ATP10A: variants seen among roughly 807,000 people sequenced by gnomAD.
ATP10A encodes ATPase phospholipid transporting 10A (putative), also known as phospholipid-transporting ATPase VA.
In ATP10A, 111 loss-of-function variants were observed where a neutral mutation model predicts 147.8. The ratio of observed to expected loss-of-function variants is 0.75; its 90% confidence interval spans 0.64 to 0.88. The LOEUF (loss-of-function observed/expected upper bound fraction) is 0.88, where lower values mean the gene tolerates loss of function less well. Ranked by LOEUF, ATP10A falls within the 40% of genes least tolerant of loss-of-function variation. The pLI is 0.00. For synonymous variants in ATP10A, 875 were observed against 841.6 expected (o/e 1.04, Z -0.69); for missense variants, 1,927 against 1,959.0 (o/e 0.98, Z 0.31).
chr15:25,691,670 C>A, intron 15 of ATP10A, 45 bp downstream of exon 15: 1 of 1,598,324 alleles, frequency 6.3e-7, no homozygotes. Flanking sequence ...GACAAGAGGT[C>A]AGTAGGGCCA....
At position 25,680,932 on chromosome 15, in the gene ATP10A, C is replaced by T. The variant is rs147170590; in HGVS notation, c.3574-18G>A. 71 of 1,613,756 alleles carry T rather than the reference C, an allele frequency of 4.4e-5. No homozygotes were observed. In the East Asian group the frequency reaches 1.6e-3, roughly 36 times the overall value. On this transcript the variant is annotated intron_variant, in intron 18 of 20. Transcript: ENST00000555815. ...TAGTAGGCCTGAAAGACAGTGGGGT[C>T]CTGGATCTGTAGGTCCCCGGATCCA...
In ATP10A at chr15:25,781,119, G is replaced by A. The variant is rs1006296922; in HGVS notation, c.554C>T (p.Ser185Phe). 3 of 1,614,102 alleles carry A rather than the reference G, an allele frequency of 1.9e-6. No individual in the cohort carries two copies. In the African/African-American group the frequency reaches 4.0e-5, roughly 22 times the overall value. ...GCATAGCCCGTCGGGGTCACTGGAG[G>A]AGAGCAGCAGAATGTCCGCAGGGAA... is the stretch of plus-strand genomic sequence containing the variant. Reference protein sequence around the residue: ...EIFPADILLLSSSDPDGLCHI... With the variant: ...EIFPADILLLFSSDPDGLCHI... The change falls in exon 2 of 21, where the codon TCC becomes TTC. Residue 185 changes from serine (S) to phenylalanine (F), a missense_variant. Coordinates refer to ENST00000555815, the MANE Select transcript of ATP10A (RefSeq NM_024490.4).
At chr15:25,771,848 A>G (rs1596855878) in intron 2 of ATP10A, among the ~76,000 whole-genome samples, 2 of 151,058 alleles carry the variant, frequency 1.3e-5, no homozygotes, top group South Asian at 4.2e-4. Flanking sequence ...TGCCTCCTGG[A>G]TTCAAGCTAT....
intron 1 of ATP10A, chr15:25,862,364 C>T (rs1307872471): frequency 1.6e-6 from 1 of 626,434 alleles, no homozygotes. Context: ...CAGCGGCCGT[C>T]GGTTTCTAGC....
rs753450252 is a variant in ATP10A at position 25,718,424 on chromosome 15, G to A, written c.1364-25C>T. 3.2e-6 allele frequency: 5 copies of A among 1,563,656 alleles called. 1 individual carries two copies. The South Asian group carries it at 5.8e-5, about 18-fold the overall frequency. On this transcript the variant is annotated intron_variant, in intron 7 of 20. Coordinates refer to ENST00000555815, the MANE Select transcript of ATP10A (RefSeq NM_024490.4). ...GCTGCGGGGAGAGGGCGCAGGGTGA[G>A]GCATCATGGGGGAAGGCTGGGCGGA...
At position 25,694,933 on chromosome 15, in the gene ATP10A, G is replaced by A. The variant is rs757041382; in HGVS notation, c.2974C>T (p.Leu992Phe). The change falls in exon 14 of 21, where the codon CTC (leucine) becomes TTC (phenylalanine). Residue 992 changes from leucine (L) to phenylalanine (F), a missense_variant. Physicochemically the swap from Leu to Phe is conservative, Grantham distance 22. Transcript: ENST00000555815. ...ALEKNLEDKF[L>F]FLAKQCRSVL... ...GAGCGGCACTGCTTGGCAAGGAAGA[G>A]GAATTTGTCCTCCAGGTTTTTCTCG... is the stretch of plus-strand genomic sequence containing the variant. The A allele has an allele frequency of 1.9e-5, 31 of 1,614,080 alleles. No individual in the cohort carries two copies. The highest frequency in any genetic ancestry group is 2.6e-5 in the Non-Finnish European group (31 of 1,180,056).
At chr15:25,721,044 C>A (rs1902187690) in intron 7 of ATP10A, among the ~76,000 whole-genome samples, 1 of 152,272 alleles carries the variant, frequency 6.6e-6, no homozygotes, top group Middle Eastern at 3.4e-3. Context: ...TGGTCCATGC[C>A]CTCTCCTGAC....
chr15:25,726,834 G>A (rs1349791097), intron 4 of ATP10A, among the ~76,000 whole-genome samples: 1 of 151,026 alleles, frequency 6.6e-6, no homozygotes, highest in Non-Finnish European at 1.5e-5. Flanking sequence ...GGCGGATCAC[G>A]AGATCAGGAG....
intron 1 of ATP10A, among the ~76,000 whole-genome samples, chr15:25,795,708 A>G (rs2140761431): frequency 6.6e-6 from 1 of 152,266 alleles, no homozygotes. Context: ...GTAATAATAC[A>G]CACTGGGAAA....
intron 1 of ATP10A, among the ~76,000 whole-genome samples, chr15:25,846,498 T>C (rs531357765): frequency 6.6e-6 from 1 of 152,164 alleles, no homozygotes; most frequent in Admixed American, 6.5e-5. Context: ...CCACCCCTCA[T>C]GCCTCAACCT....
chr15:25,749,244 A>G (rs1023188948), intron 2 of ATP10A, among the ~76,000 whole-genome samples: 1 of 152,166 alleles, frequency 6.6e-6, no homozygotes, highest in African/African-American at 2.4e-5. Context: ...TAAGCTAACA[A>G]AATCACTTTG....
chr15:25,827,437 C>T (rs1330160099), intron 1 of ATP10A, among the ~76,000 whole-genome samples: 2 of 152,166 alleles, frequency 1.3e-5, no homozygotes, highest in African/African-American at 4.8e-5. Context: ...GCAACATTTA[C>T]AAATCTATGT....
At chr15:25,687,891 TTC>T in intron 15 of ATP10A, 63 bp from the exon 16 acceptor site, 1 of 1,607,428 alleles carries the variant, frequency 6.2e-7, no homozygotes, top group Non-Finnish European at 8.5e-7. Context: ...TTGTCTTCTC[TTC>T]TCAAAATGCA....
At chr15:25,827,969 C>CA (rs1320220460) in intron 1 of ATP10A, among the ~76,000 whole-genome samples, 1 of 151,696 alleles carries the variant, frequency 6.6e-6, no homozygotes, top group East Asian at 1.9e-4. Flanking sequence ...TTACACTGTG[C>CA]AAAAAGTAAC....
Position 25,721,840 on chromosome 15 carries a change from G to C in ATP10A, c.1180C>G (p.Gln394Glu). The C allele has an allele frequency of 6.2e-7, 1 of 1,614,102 alleles. No individual in the cohort carries two copies. Among genetic ancestry groups the C allele is most frequent in the Non-Finnish European group, 8.5e-7 (1 of 1,180,020 alleles). Residue 394 changes from glutamine (Q) to glutamate (E), a missense_variant, in exon 7 of 21, where the codon CAG becomes GAG. Coordinates refer to ENST00000555815, the MANE Select transcript of ATP10A (RefSeq NM_024490.4). ...VKACQVYFIN[Q>E]DMQLYDEETD... ...TCTTCGTCATACAACTGCATGTCCTGGTTAATGAAGTACACTTGGCATGCT... is the reference window on the plus strand; with the variant it reads ...TCTTCGTCATACAACTGCATGTCCTCGTTAATGAAGTACACTTGGCATGCT...
At chr15:25,767,480 C>T (rs1388079279) in intron 2 of ATP10A, among the ~76,000 whole-genome samples, 1 of 152,200 alleles carries the variant, frequency 6.6e-6, no homozygotes, top group East Asian at 1.9e-4. Flanking sequence ...AGCACAGCCC[C>T]TCCTCTGACT....
chr15:25,764,084 T>C (rs1476322974), intron 2 of ATP10A, among the ~76,000 whole-genome samples: 1 of 152,136 alleles, frequency 6.6e-6, no homozygotes, highest in African/African-American at 2.4e-5. Flanking sequence ...AATGGGCACA[T>C]GAATCCCCCA....
intron 5 of ATP10A, among the ~76,000 whole-genome samples, chr15:25,724,904 C>A (rs1021213354): frequency 1.3e-5 from 2 of 152,180 alleles, no homozygotes; most frequent in African/African-American, 4.8e-5. Context: ...TGTGTGTATT[C>A]CCTAAACAAC....
intron 1 of ATP10A, among the ~76,000 whole-genome samples, chr15:25,791,477 C>G (rs558203768): frequency 6.6e-6 from 1 of 152,284 alleles, no homozygotes; most frequent in South Asian, 2.1e-4. Context: ...GCCTCGACCT[C>G]CTGGGCTCAA....
Sources: gnomAD v4.1 joint callset for allele counts (sites outside exome capture counted in the v4.1 genomes callset) on GRCh38, gnomAD v4.1.1 for gene constraint, MANE v1.5 for transcripts, NCBI Gene and HGNC (gene_info 2026-07-23, HGNC 2026-07-21) for gene names.